The following PCDH15 variants were observed in gnomAD, a reference collection of about 807,000 sequenced individuals.
PCDH15 encodes protocadherin-15.
In PCDH15, 129 loss-of-function variants were observed where a neutral mutation model predicts 178.5. The observed-to-expected ratio is 0.72, with a 90% CI of 0.63 to 0.84. The LOEUF is 0.84. Among genes scored for constraint, PCDH15 ranks in the 40% least tolerant of loss-of-function variants. The pLI, the probability that PCDH15 is intolerant of heterozygous loss-of-function variation, is 0.00. For missense variants in PCDH15, 2,230 were observed against 2,099.9 expected, an observed-to-expected ratio of 1.06 and a Z score of -1.21; for synonymous variants, 800 against 732.0, an observed-to-expected ratio of 1.09 and a Z score of -1.50.
At chr10:55,052,244 C>T (rs979870680) in intron 2 of PCDH15, among the ~76,000 whole-genome samples, 2 of 151,672 alleles carry the variant, frequency 1.3e-5, no homozygotes, top group African/African-American at 2.4e-5. Flanking sequence ...CCTACCACCA[C>T]GCCCAGCTTA....
At chr10:54,927,393 A>C (rs2131849559) in intron 2 of PCDH15, among the ~76,000 whole-genome samples, 1 of 152,240 alleles carries the variant, frequency 6.6e-6, no homozygotes, top group Non-Finnish European at 1.5e-5. Context: ...TGTTTTAATA[A>C]GAAAAATGTA....
At chr10:54,590,814 A>C (rs1309536880) in intron 2 of PCDH15, among the ~76,000 whole-genome samples, 1 of 152,114 alleles carries the variant, frequency 6.6e-6, no homozygotes, top group Non-Finnish European at 1.5e-5. Flanking sequence ...TTTACATGTG[A>C]CTTCCCTGTA....
chr10:54,204,975 G>C (rs1238272139), intron 10 of PCDH15, among the ~76,000 whole-genome samples: 1 of 152,076 alleles, frequency 6.6e-6, no homozygotes, highest in African/African-American at 2.4e-5. Context: ...ACATGTATCT[G>C]CTGTATTGCT....
chr10:54,711,292 A>C (rs2095425998), intron 1 of PCDH15, among the ~76,000 whole-genome samples: 1 of 152,008 alleles, frequency 6.6e-6, no homozygotes, highest in Non-Finnish European at 1.5e-5. Flanking sequence ...ATATCAGTAA[A>C]ACAGCATTAA....
At chr10:54,911,403 A>G (rs769594948) in intron 2 of PCDH15, among the ~76,000 whole-genome samples, 11 of 152,214 alleles carry the variant, frequency 7.2e-5, no homozygotes, top group Non-Finnish European at 1.2e-4. Context: ...AAGTTTAGAC[A>G]TGCTTAGATA....
chr10:54,823,170 G>C (rs1415676580), intron 3 of PCDH15, among the ~76,000 whole-genome samples: 1 of 151,592 alleles, frequency 6.6e-6, no homozygotes, highest in Non-Finnish European at 1.5e-5. Context: ...GCGTGAGCCT[G>C]TAATGGGTTA....
intron 25 of PCDH15, among the ~76,000 whole-genome samples, chr10:53,925,408 G>A (rs537737265): frequency 4.6e-5 from 7 of 152,108 alleles, no homozygotes; most frequent in East Asian, 3.9e-4. Context: ...AAGAAACTCC[G>A]AACACGCCCG....
At chr10:54,297,230 C>A (rs1261646113) in intron 8 of PCDH15, among the ~76,000 whole-genome samples, 1 of 152,112 alleles carries the variant, frequency 6.6e-6, no homozygotes, top group Non-Finnish European at 1.5e-5. Flanking sequence ...AACACTCAGG[C>A]ATCAATGGGC....
At chr10:53,889,069 C>CA (rs2081376792) in intron 26 of PCDH15, among the ~76,000 whole-genome samples, 1 of 149,472 alleles carries the variant, frequency 6.7e-6, no homozygotes, top group South Asian at 2.1e-4. Flanking sequence ...TCCAAACACA[C>CA]AAAAAAATCC....
chr10:55,070,816 A>G (rs1172159443), intron 2 of PCDH15, among the ~76,000 whole-genome samples: 1 of 152,072 alleles, frequency 6.6e-6, no homozygotes, highest in Non-Finnish European at 1.5e-5. Context: ...CTGTGAAGAA[A>G]GTCATTGGTA....
chr10:54,202,658 C>T (rs953923656), intron 10 of PCDH15, among the ~76,000 whole-genome samples: 2 of 151,734 alleles, frequency 1.3e-5, no homozygotes, highest in Non-Finnish European at 2.9e-5. Flanking sequence ...ACTAAAAATA[C>T]ACAATTAGCC....
intron 1 of PCDH15, among the ~76,000 whole-genome samples, chr10:55,267,253 TCTAA>T (rs1233130303): frequency 3.3e-5 from 5 of 152,214 alleles, no homozygotes; most frequent in Admixed American, 6.5e-5. Context: ...TCTCTGTTTA[TCTAA>T]CTATTATCTA....
At chr10:55,065,907 T>C (rs1030309499) in intron 2 of PCDH15, among the ~76,000 whole-genome samples, 4 of 152,014 alleles carry the variant, frequency 2.6e-5, no homozygotes, top group Non-Finnish European at 4.4e-5. Context: ...TTAAAAACTA[T>C]GTCGTGATTG....
At chr10:54,609,258 A>T (rs1465372435) in intron 2 of PCDH15, among the ~76,000 whole-genome samples, 1 of 152,070 alleles carries the variant, frequency 6.6e-6, no homozygotes, top group Admixed American at 6.6e-5. Flanking sequence ...AATACATTTC[A>T]AATGTTATGT....
rs572010253 is a variant in PCDH15, at chr10:54,623,905, T to C, written c.91+40267A>G. ...CATGAACAGGAAGATTTGGAAACTG[T>C]TGATGGTTTATACATTGACTATACA... On this transcript the variant is annotated intron_variant, in intron 2 of 37. Coordinates refer to ENST00000644397, the MANE Select transcript of PCDH15 (RefSeq NM_001384140.1). Among the ~76,000 whole-genome samples, 11 of 152,240 alleles carry C rather than the reference T, an allele frequency of 7.2e-5. No homozygotes were observed. The South Asian group carries it at 1.9e-3, about 26-fold the overall frequency.
At chr10:54,913,839 G>T (rs757065036) in intron 2 of PCDH15, among the ~76,000 whole-genome samples, 1 of 152,218 alleles carries the variant, frequency 6.6e-6, no homozygotes, top group Non-Finnish European at 1.5e-5. Context: ...TGACTTCCCT[G>T]CTGGGTTTTG....
intron 8 of PCDH15, among the ~76,000 whole-genome samples, chr10:54,250,079 T>A (rs796837710): frequency 8.2e-4 from 103 of 126,368 alleles, no homozygotes; most frequent in Middle Eastern, 3.8e-3. Flanking sequence ...ACATCCGGCT[T>A]TTTTTTTTTT....
At chr10:55,065,953 G>A (rs1307428625) in intron 2 of PCDH15, among the ~76,000 whole-genome samples, 4 of 151,698 alleles carry the variant, frequency 2.6e-5, no homozygotes, top group Admixed American at 2.6e-4. Flanking sequence ...GATTGCTTTG[G>A]TCAAAATACA....
intron 28 of PCDH15, 94 bp downstream of exon 28, chr10:53,857,081 C>T: frequency 1.1e-6 from 1 of 909,038 alleles, no homozygotes; most frequent in Non-Finnish European, 1.7e-6. Context: ...CACACCTGCA[C>T]ATGTATCCCC....
Sources: allele counts gnomAD v4.1 joint callset (sites outside exome capture counted in the v4.1 genomes callset), GRCh38; gene constraint gnomAD v4.1.1; transcripts MANE v1.5; gene names NCBI Gene and HGNC (gene_info 2026-07-23, HGNC 2026-07-21).